Variants in THOC1 observed in about 807,000 individuals in gnomAD.
THOC1 encodes the protein THO complex 1.
Under a neutral mutation model 97.3 loss-of-function variants are expected in THOC1, and 29 were observed. The observed-to-expected ratio is 0.30, with a 90% CI of 0.22 to 0.41. THOC1 has a LOEUF of 0.41. Among genes scored for constraint, THOC1 ranks in the 10% least tolerant of loss-of-function variants. The probability of loss-of-function intolerance (pLI) is 1.00; values close to 1 mark genes in which losing one functional copy is unlikely to be tolerated. For missense variants in THOC1, 529 were observed against 761.9 expected (o/e 0.69, Z 3.60); for synonymous variants, 255 against 257.0 (o/e 0.99, Z 0.07).
intron 3 of THOC1, 26 bp from the exon 4 acceptor site, chr18:264,118 A>G (rs778474079): frequency 1.3e-6 from 2 of 1,548,750 alleles, no homozygotes; most frequent in African/African-American, 2.7e-5. Flanking sequence ...AAACAATTTA[A>G]TTTAGGGGCA....
intron 10 of THOC1, among the ~76,000 whole-genome samples, chr18:246,714 CG>C (rs1171428594): frequency 2.1e-4 from 32 of 151,986 alleles, no homozygotes; most frequent in African/African-American, 7.3e-4. Flanking sequence ...TGGTGGCTCA[CG>C]CCTGTAATCC....
chr18:248,418 T>C (rs1033957699), intron 9 of THOC1, among the ~76,000 whole-genome samples: 11 of 152,096 alleles, frequency 7.2e-5, no homozygotes, highest in Non-Finnish European at 1.3e-4. Flanking sequence ...AAGAAGAAGG[T>C]AGAAGAAGCC....
chr18:230,193 C>G (rs1434031335), intron 11 of THOC1, among the ~76,000 whole-genome samples: 1 of 151,968 alleles, frequency 6.6e-6, no homozygotes, highest in Non-Finnish European at 1.5e-5. Context: ...CCAAGCAACT[C>G]TAGGAAGGCT....
intron 8 of THOC1, among the ~76,000 whole-genome samples, chr18:253,455 A>G (rs998150364): frequency 7.9e-5 from 12 of 152,234 alleles, no homozygotes; most frequent in Non-Finnish European, 1.6e-4. Flanking sequence ...CTAAGATAAA[A>G]CTAAATCTTA....
At chr18:249,845 C>T (rs1008743618) in intron 9 of THOC1, among the ~76,000 whole-genome samples, 2 of 152,114 alleles carry the variant, frequency 1.3e-5, no homozygotes, top group African/African-American at 2.4e-5. Flanking sequence ...CACTGAGTAA[C>T]AAAATGTTAC....
At chr18:231,667 A>G (rs1392165899) in intron 11 of THOC1, among the ~76,000 whole-genome samples, 1 of 152,232 alleles carries the variant, frequency 6.6e-6, no homozygotes, top group Non-Finnish European at 1.5e-5. Context: ...AAGAAACAGA[A>G]TATCATAGAC....
At chr18:249,448 C>T (rs1912204640) in intron 9 of THOC1, among the ~76,000 whole-genome samples, 1 of 151,952 alleles carries the variant, frequency 6.6e-6, no homozygotes, top group African/African-American at 2.4e-5. Context: ...GGGCGGATCA[C>T]GAGGTCAGTT....
chr18:216,636 A>G lies in THOC1; in HGVS notation c.1455-3T>C. 6.2e-7 allele frequency: 1 copy of G among 1,609,780 alleles called. No individual in the cohort carries two copies. Among genetic ancestry groups the G allele is most frequent in the Non-Finnish European group, 8.5e-7 (1 of 1,178,162 alleles). On this transcript the variant is annotated splice_polypyrimidine_tract_variant and splice_region_variant and intron_variant, in intron 18 of 20. Coordinates refer to ENST00000261600, the MANE Select transcript of THOC1 (RefSeq NM_005131.3). ...CATAATTTGAATTGTTCACAGCCCT[A>G]TAAAAAGAGGTGTCAGGCTTGTAAT...
At chr18:215,299 AC>A in intron 20 of THOC1, 129 bp downstream of exon 20, 2 of 723,300 alleles carry the variant, frequency 2.8e-6, no homozygotes, top group African/African-American at 1.8e-5. Context: ...TAAATTCCTC[AC>A]TATGTCAGAA....
At chr18:223,271 A>C (rs1315308849) in intron 17 of THOC1, among the ~76,000 whole-genome samples, 169 bp downstream of exon 17, 1 of 152,134 alleles carries the variant, frequency 6.6e-6, no homozygotes, top group Non-Finnish European at 1.5e-5. Context: ...AAATTATTTT[A>C]TCAGCACTTT....
At chr18:215,016 G>T in intron 20 of THOC1, 95 bp from the exon 21 acceptor site, 2 of 1,089,092 alleles carry the variant, frequency 1.8e-6, no homozygotes, top group Non-Finnish European at 2.7e-6. Context: ...ACCACCTTTA[G>T]TAGACTTTAT....
intron 15 of THOC1, among the ~76,000 whole-genome samples, 171 bp downstream of exon 15, chr18:224,753 C>T (rs1037850900): frequency 6.6e-6 from 1 of 152,098 alleles, no homozygotes; most frequent in Non-Finnish European, 1.5e-5. Flanking sequence ...TTAAAAAATA[C>T]AGAGGTAAAT....
intron 4 of THOC1, 146 bp downstream of exon 4, chr18:263,880 G>T: frequency 1.6e-6 from 1 of 612,912 alleles, no homozygotes; most frequent in Non-Finnish European, 2.9e-6. Context: ...AATTCAACTG[G>T]GACTTCTTGG....
chr18:260,423 TA>T, intron 4 of THOC1, 119 bp from the exon 5 acceptor site: 1 of 681,344 alleles, frequency 1.5e-6, no homozygotes, highest in Non-Finnish European at 2.2e-6. Context: ...AACAAGGTTT[TA>T]AAAGGACAAG....
intron 11 of THOC1, among the ~76,000 whole-genome samples, chr18:236,633 G>A (rs1911708805): frequency 6.6e-6 from 1 of 152,008 alleles, no homozygotes; most frequent in South Asian, 2.1e-4. Context: ...AAAGTGCTGG[G>A]ATTACAGGCG....
At chr18:227,744 A>G (rs1433555011) in intron 11 of THOC1, among the ~76,000 whole-genome samples, 1 of 152,166 alleles carries the variant, frequency 6.6e-6, no homozygotes, top group Non-Finnish European at 1.5e-5. Flanking sequence ...TGCCTTCAAA[A>G]ACTACAGTAA....
chr18:267,666 G>A (rs1034191222), intron 1 of THOC1, among the ~76,000 whole-genome samples: 1 of 152,150 alleles, frequency 6.6e-6, no homozygotes, highest in Non-Finnish European at 1.5e-5. Flanking sequence ...AACGAGCTGA[G>A]AGGATGGACC....
intron 12 of THOC1, 78 bp downstream of exon 12, chr18:226,723 A>G: frequency 9.5e-7 from 1 of 1,052,094 alleles, no homozygotes; most frequent in East Asian, 2.6e-5. Flanking sequence ...ATGGACACAT[A>G]CATAAGAAAA....
intron 20 of THOC1, 103 bp from the exon 21 acceptor site, chr18:215,024 T>C: frequency 9.8e-7 from 1 of 1,024,084 alleles, no homozygotes; most frequent in East Asian, 2.4e-5. Flanking sequence ...TAGTAGACTT[T>C]ATTTTAAAAG....
Sources: gnomAD v4.1 joint callset for allele counts (sites outside exome capture counted in the v4.1 genomes callset) on GRCh38, gnomAD v4.1.1 for gene constraint, MANE v1.5 for transcripts, NCBI Gene and HGNC (gene_info 2026-07-23, HGNC 2026-07-21) for gene names.